Variants in PPARG observed in about 807,000 individuals in gnomAD.
The protein encoded by PPARG is peroxisome proliferator activated receptor gamma.
A neutral mutation model predicts 39.2 loss-of-function variants in PPARG; 17 were observed. The observed-to-expected ratio is 0.43, with a 90% CI of 0.30 to 0.65. The LOEUF is 0.65. Ranked by LOEUF, PPARG falls within the 30% of genes least tolerant of loss-of-function variation. The probability of loss-of-function intolerance (pLI) is 0.13; values close to 1 mark genes in which losing one functional copy is unlikely to be tolerated. For synonymous variants in PPARG, 223 were observed against 215.7 expected (o/e 1.03, Z -0.30); for missense variants, 406 against 585.9 (o/e 0.69, Z 3.17).
intron 5 of PPARG, among the ~76,000 whole-genome samples, chr3:12,395,903 T>C (rs931259669): frequency 2.0e-5 from 3 of 152,132 alleles, no homozygotes; most frequent in Non-Finnish European, 4.4e-5. Flanking sequence ...CAGCGGTGTA[T>C]GTAACTTACC....
chr3:12,323,636 T>C (rs2047608148), intron 2 of PPARG, among the ~76,000 whole-genome samples: 2 of 152,166 alleles, frequency 1.3e-5, no homozygotes, highest in Non-Finnish European at 2.9e-5. Context: ...ATAACTTGCC[T>C]GAATGTCGTG....
chr3:12,361,072 TTC>T (rs1017565862), intron 2 of PPARG, among the ~76,000 whole-genome samples: 1 of 152,192 alleles, frequency 6.6e-6, no homozygotes, highest in Non-Finnish European at 1.5e-5. Context: ...GTACTTGGCA[TTC>T]TCTGTCTTTT....
chr3:12,349,209 T>A (rs2048411748), intron 2 of PPARG, among the ~76,000 whole-genome samples: 1 of 152,200 alleles, frequency 6.6e-6, no homozygotes, highest in Admixed American at 6.5e-5. Context: ...GGTCAGTACC[T>A]GGTGCTTAGT....
chr3:12,288,232 C>G (rs1349143740), upstream of PPARG, among the ~76,000 whole-genome samples: 1 of 151,466 alleles, frequency 6.6e-6, no homozygotes, highest in Non-Finnish European at 1.5e-5. Flanking sequence ...CCGGCAGGAC[C>G]CGGACTGACG....
intron 2 of PPARG, among the ~76,000 whole-genome samples, chr3:12,318,858 G>GTT (rs35408322): frequency 1.1e-3 from 165 of 149,716 alleles, no homozygotes; most frequent in Non-Finnish European, 1.9e-3. Flanking sequence ...TACTGTTCTA[G>GTT]TTTTTTTTTT....
chr3:12,399,142 C>G (rs1238994994), intron 5 of PPARG, among the ~76,000 whole-genome samples: 1 of 152,096 alleles, frequency 6.6e-6, no homozygotes, highest in African/African-American at 2.4e-5. Flanking sequence ...ACGAAGTGTT[C>G]AGTGAATGAA....
At chr3:12,342,868 A>G (rs552857127) in intron 2 of PPARG, among the ~76,000 whole-genome samples, 1 of 152,180 alleles carries the variant, frequency 6.6e-6, no homozygotes, top group African/African-American at 2.4e-5. Flanking sequence ...TCCTTCAAGG[A>G]AAATGAAAAT....
chr3:12,340,834 A>G (rs538514664), intron 2 of PPARG, among the ~76,000 whole-genome samples: 1 of 152,298 alleles, frequency 6.6e-6, no homozygotes, highest in East Asian at 1.9e-4. Flanking sequence ...CATCGGGTAA[A>G]ACCAAAGCAT....
chr3:12,419,870 C>A (rs1351851001), intron 7 of PPARG, among the ~76,000 whole-genome samples: 2 of 151,624 alleles, frequency 1.3e-5, no homozygotes, highest in East Asian at 3.9e-4. Context: ...CTATATATCC[C>A]ATGTCTATTC....
At chr3:12,420,621 G>C (rs1018474169) in intron 7 of PPARG, among the ~76,000 whole-genome samples, 1 of 128,270 alleles carries the variant, frequency 7.8e-6, no homozygotes, top group South Asian at 2.1e-4. Context: ...TCATCTAAGA[G>C]TGGGCGGGGG....
chr3:12,364,217 G>A lies in PPARG; in HGVS notation c.-8-15487G>A, dbSNP rs568594383. Among the ~76,000 whole-genome samples the A allele has an allele frequency of 1.8e-4, 28 of 152,156 alleles. No homozygotes were observed. In the South Asian group the frequency reaches 5.2e-3, roughly 28 times the overall value. On this transcript the variant is annotated intron_variant, in intron 2 of 7. Coordinates refer to ENST00000651735, the MANE Select transcript of PPARG (RefSeq NM_138711.6). ...CCTCTGGGATCCACCTGTTCATTCCGTTCTCCCCCAAACTTCTGACTACCA... is the reference window on the plus strand; with the variant it reads ...CCTCTGGGATCCACCTGTTCATTCCATTCTCCCCCAAACTTCTGACTACCA...
chr3:12,307,915 G>A (rs2047117203), intron 1 of PPARG, among the ~76,000 whole-genome samples: 1 of 152,056 alleles, frequency 6.6e-6, no homozygotes, highest in African/African-American at 2.4e-5. Flanking sequence ...GATAGATTTG[G>A]GAGCTGTAAG....
chr3:12,412,730 A>T (rs2050918734), intron 6 of PPARG, among the ~76,000 whole-genome samples: 1 of 152,148 alleles, frequency 6.6e-6, no homozygotes, highest in South Asian at 2.1e-4. Context: ...TGCTTGGGGA[A>T]GGGCCGAAGC....
chr3:12,381,565 G>A (rs1009210673), intron 4 of PPARG, 74 bp downstream of exon 4: 11 of 1,471,096 alleles, frequency 7.5e-6, no homozygotes, highest in Admixed American at 5.6e-5. Context: ...CCTTTTTTAG[G>A]TGATACAATA....
chr3:12,348,092 T>C (rs189156434), intron 2 of PPARG, among the ~76,000 whole-genome samples: 4 of 152,256 alleles, frequency 2.6e-5, no homozygotes, highest in African/African-American at 9.6e-5. Context: ...AATTCCAAAT[T>C]TATAGCAAAA....
chr3:12,302,540 T>C (rs1442444601), intron 1 of PPARG, among the ~76,000 whole-genome samples: 1 of 152,198 alleles, frequency 6.6e-6, no homozygotes, highest in Non-Finnish European at 1.5e-5. Flanking sequence ...AAAAAAAAGT[T>C]CCTGGTTTGA....
chr3:12,337,491 T>G (rs1014739462), intron 2 of PPARG, among the ~76,000 whole-genome samples: 1 of 152,160 alleles, frequency 6.6e-6, no homozygotes, highest in Admixed American at 6.5e-5. Context: ...AATGGAAGAT[T>G]CCTTTTAACA....
chr3:12,343,424 G>A (rs907048225), intron 2 of PPARG, among the ~76,000 whole-genome samples: 2 of 152,104 alleles, frequency 1.3e-5, no homozygotes, highest in African/African-American at 4.8e-5. Flanking sequence ...GCACTCCATT[G>A]CATCTGGTTT....
At chr3:12,422,061 G>C (rs938817621) in intron 7 of PPARG, among the ~76,000 whole-genome samples, 1 of 152,126 alleles carries the variant, frequency 6.6e-6, no homozygotes, top group Non-Finnish European at 1.5e-5. Flanking sequence ...GGGGTCCCTG[G>C]GGCTCCCCCA....
Sources: allele counts gnomAD v4.1 joint callset (sites outside exome capture counted in the v4.1 genomes callset), GRCh38; gene constraint gnomAD v4.1.1; transcripts MANE v1.5; gene names NCBI Gene and HGNC (gene_info 2026-07-23, HGNC 2026-07-21).